Variants in FGF12 observed in about 807,000 individuals in gnomAD.
FGF12 encodes the protein fibroblast growth factor 12.
Under a neutral mutation model 23.6 loss-of-function variants are expected in FGF12, and 14 were observed. The observed-to-expected ratio is 0.59, with a 90% CI of 0.39 to 0.93. FGF12 has a LOEUF of 0.93. FGF12 is among the 40% of genes least tolerant of loss of function. The probability of loss-of-function intolerance (pLI) is 0.00; values close to 1 mark genes in which losing one functional copy is unlikely to be tolerated. For missense variants in FGF12, 175 were observed against 217.8 expected (o/e 0.80, Z 1.24); for synonymous variants, 62 against 77.3 (o/e 0.80, Z 1.04).
chr3:192,305,679 A>AAAAAAT (rs1423738741), intron 4 of FGF12, among the ~76,000 whole-genome samples: 1 of 131,936 alleles, frequency 7.6e-6, no homozygotes, highest in African/African-American at 3.0e-5. Context: ...AAAAAAAAAA[A>AAAAAAT]ATATATATAT....
intron 2 of FGF12, among the ~76,000 whole-genome samples, chr3:192,376,932 G>A (rs557059726): frequency 6.6e-6 from 1 of 152,256 alleles, no homozygotes; most frequent in African/African-American, 2.4e-5. Context: ...CCTGGACTGT[G>A]AAACACATGG....
chr3:192,259,753 AC>A (rs1452721542), intron 4 of FGF12, among the ~76,000 whole-genome samples: 2 of 152,152 alleles, frequency 1.3e-5, no homozygotes, highest in African/African-American at 2.4e-5. Context: ...ATATGTTCTT[AC>A]CACAAAATAG....
rs1227871740 is a variant in FGF12, at chr3:192,409,249, T to C, written c.14-48711A>G. ...TATTTAGGGAATCCTAAATCTGGAA[T>C]GACTCAGTAGTTTAAATAAGCCCCC... On this transcript the variant is annotated intron_variant, in intron 2 of 5. Coordinates refer to ENST00000445105, the MANE Select transcript of FGF12 (RefSeq NM_004113.6). The surrounding 1 kb of genome is among the most constrained non-coding windows in gnomAD (Gnocchi z 4.8). 6.6e-6 allele frequency among the ~76,000 whole-genome samples: 1 copy of C among 152,178 alleles called. No homozygotes were observed. The highest frequency in any genetic ancestry group is 1.9e-4 in the East Asian group (1 of 5,166).
At chr3:192,274,593 A>AACAGAG (rs1553789303) in intron 4 of FGF12, among the ~76,000 whole-genome samples, 1 of 151,348 alleles carries the variant, frequency 6.6e-6, no homozygotes, top group African/African-American at 2.4e-5. Flanking sequence ...GAAGAGGGGA[A>AACAGAG]AGAGAGAGAG....
intron 2 of FGF12, among the ~76,000 whole-genome samples, chr3:192,691,932 C>T (rs1437688903): frequency 1.3e-5 from 2 of 151,894 alleles, no homozygotes; most frequent in African/African-American, 4.8e-5. Context: ...TGGAAAATTC[C>T]TAGAAACATA....
intron 2 of FGF12, among the ~76,000 whole-genome samples, chr3:192,628,673 A>T (rs2108654090): frequency 6.7e-6 from 1 of 149,674 alleles, no homozygotes; most frequent in Non-Finnish European, 1.5e-5. Flanking sequence ...TATATACATT[A>T]AAAAAGTATA....
At chr3:192,684,446 G>T (rs956477125) in intron 2 of FGF12, among the ~76,000 whole-genome samples, 8 of 151,970 alleles carry the variant, frequency 5.3e-5, no homozygotes, top group South Asian at 2.1e-4. Flanking sequence ...TTTGGAAAAA[G>T]GTCAAGCAGC....
At chr3:192,305,854 G>GTTTTTTTTTTT (rs755560177) in intron 4 of FGF12, among the ~76,000 whole-genome samples, 3 of 77,444 alleles carry the variant, frequency 3.9e-5, no homozygotes, top group African/African-American at 6.3e-5. Context: ...CATCTCTCTG[G>GTTTTTTTTTTT]TTTTTTTTTT....
At chr3:192,699,513 A>G (rs994979004) in intron 2 of FGF12, among the ~76,000 whole-genome samples, 1 of 152,176 alleles carries the variant, frequency 6.6e-6, no homozygotes, top group African/African-American at 2.4e-5. Flanking sequence ...GAAGAGCACA[A>G]TGATCTAGGA....
intron 2 of FGF12, among the ~76,000 whole-genome samples, chr3:192,664,399 A>G (rs1285349920): frequency 6.6e-6 from 1 of 151,948 alleles, no homozygotes; most frequent in Non-Finnish European, 1.5e-5. Flanking sequence ...AGGTCTTATC[A>G]GAGCACTAAA....
intron 2 of FGF12, among the ~76,000 whole-genome samples, chr3:192,644,696 T>C (rs930487138): frequency 7.2e-5 from 11 of 152,150 alleles, no homozygotes; most frequent in Non-Finnish European, 1.0e-4. Flanking sequence ...ACCCAAGCTG[T>C]GGGACTGCAA....
rs777237999 is a variant in FGF12, at chr3:192,170,439, C to T, written c.427+19G>A. The T allele has an allele frequency of 8.1e-6, 13 of 1,606,840 alleles. No individual in the cohort carries two copies. The highest frequency in any genetic ancestry group is 6.7e-5 in the African/African-American group (5 of 74,688). On this transcript the variant is annotated intron_variant, in intron 5 of 5. Transcript: ENST00000445105. Reference sequence around the variant, plus strand: ...CACACAGATAAGGGTCCAACAAAGACAGTCAGTTGGTTTCATACCTTCAAT... The same window carrying T: ...CACACAGATAAGGGTCCAACAAAGATAGTCAGTTGGTTTCATACCTTCAAT...
chr3:192,601,594 T>C (rs1399868138), intron 2 of FGF12, among the ~76,000 whole-genome samples: 2 of 151,876 alleles, frequency 1.3e-5, no homozygotes, highest in African/African-American at 2.4e-5. Flanking sequence ...AAAAAAAAAG[T>C]CACTGGTTGC....
intron 2 of FGF12, among the ~76,000 whole-genome samples, chr3:192,711,756 C>G (rs1192322256): frequency 1.3e-5 from 2 of 151,890 alleles, no homozygotes; most frequent in East Asian, 1.9e-4. Flanking sequence ...CAGCATGCTC[C>G]TTAAGAGTCA....
intron 2 of FGF12, among the ~76,000 whole-genome samples, chr3:192,468,323 A>G (rs753140194): frequency 1.2e-4 from 18 of 152,232 alleles, no homozygotes; most frequent in Admixed American, 3.9e-4. Context: ...ATAGTTTACC[A>G]GATTTCCCAC....
intron 2 of FGF12, among the ~76,000 whole-genome samples, chr3:192,541,104 G>T (rs1725352655): frequency 6.6e-6 from 1 of 152,048 alleles, no homozygotes; most frequent in African/African-American, 2.4e-5. Context: ...TTTGATTGAA[G>T]AGTTTAGTCC....
intron 5 of FGF12, among the ~76,000 whole-genome samples, chr3:192,154,840 A>G (rs1307263600): frequency 1.9e-4 from 28 of 144,836 alleles, no homozygotes; most frequent in South Asian, 4.7e-4. Flanking sequence ...GGTGGGCTCC[A>G]CCCAGTTCGA....
intron 4 of FGF12, among the ~76,000 whole-genome samples, chr3:192,288,309 C>A (rs892360658): frequency 6.6e-6 from 1 of 152,080 alleles, no homozygotes; most frequent in African/African-American, 2.4e-5. Context: ...ACACTTAACA[C>A]AGACATCAAG....
At chr3:192,505,717 C>T (rs1259565106) in intron 2 of FGF12, among the ~76,000 whole-genome samples, 5 of 152,086 alleles carry the variant, frequency 3.3e-5, no homozygotes, top group Non-Finnish European at 7.4e-5. Flanking sequence ...GCTAGTCTTC[C>T]TTTTCAGCTG....
Sources: gnomAD v4.1 joint callset for allele counts (sites outside exome capture counted in the v4.1 genomes callset) on GRCh38, gnomAD v4.1.1 for gene constraint, Gnocchi (gnomAD v3.1) non-coding constraint, MANE v1.5 for transcripts, NCBI Gene and HGNC (gene_info 2026-07-23, HGNC 2026-07-21) for gene names.